Variants in TBC1D2B observed in about 807,000 individuals in gnomAD.
TBC1D2B encodes TBC1 domain family member 2B.
A neutral mutation model predicts 100.8 loss-of-function variants in TBC1D2B; 64 were observed. That is an observed-to-expected ratio of 0.64 (90% CI 0.52 to 0.78). The LOEUF (loss-of-function observed/expected upper bound fraction) is 0.78. Among genes scored for constraint, TBC1D2B ranks in the 30% least tolerant of loss-of-function variants. The probability of loss-of-function intolerance (pLI) is 0.00; values close to 1 mark genes in which losing one functional copy is unlikely to be tolerated. For missense variants in TBC1D2B, 1,052 were observed against 1,218.4 expected (o/e 0.86, Z 2.03); for synonymous variants, 480 against 479.7 (o/e 1.00, Z -0.01).
intron 3 of TBC1D2B, among the ~76,000 whole-genome samples, chr15:78,035,319 C>T (rs949382546): frequency 5.3e-5 from 8 of 152,206 alleles, no homozygotes; most frequent in East Asian, 1.9e-4. Flanking sequence ...GTTCGACATT[C>T]GTTTGGATTC....
intron 8 of TBC1D2B, among the ~76,000 whole-genome samples, chr15:78,014,967 C>T (rs563534006): frequency 6.6e-6 from 1 of 152,192 alleles, no homozygotes; most frequent in African/African-American, 2.4e-5. Context: ...TTTGGGAGGC[C>T]GAGGCAGGCA....
intron 1 of TBC1D2B, among the ~76,000 whole-genome samples, chr15:78,075,131 C>T (rs2073807959): frequency 6.6e-6 from 1 of 152,004 alleles, no homozygotes; most frequent in Admixed American, 6.5e-5. Flanking sequence ...TCAAGTCCAT[C>T]GAAGTTTAAA....
At chr15:78,000,441 T>A (rs2071882398) in intron 12 of TBC1D2B, among the ~76,000 whole-genome samples, 1 of 152,232 alleles carries the variant, frequency 6.6e-6, no homozygotes, top group Admixed American at 6.5e-5. Context: ...TCGGCAATCC[T>A]GACCCAACAC....
chr15:78,043,088 T>C (rs1483987059), intron 3 of TBC1D2B, among the ~76,000 whole-genome samples: 1 of 152,216 alleles, frequency 6.6e-6, no homozygotes, highest in Non-Finnish European at 1.5e-5. Flanking sequence ...ATATCCTATA[T>C]ATCCCACTCA....
rs763515275 is a variant in TBC1D2B at position 78,044,967 on chromosome 15, G to A, written c.616C>T (p.Gln206Ter). 1 of 1,613,836 alleles carries A rather than the reference G, an allele frequency of 6.2e-7. No homozygotes were observed. The highest frequency in any genetic ancestry group is 8.5e-7 in the Non-Finnish European group (1 of 1,179,794). ...GELVGEQAAN[Q>*]PAPGHPNSIN... ...GAATTTGGATGCCCTGGGGCGGGCT[G>A]ATTTGCAGCTTGTTCTCCCACCAGC... The change falls in exon 3 of 13, where the codon CAG (glutamine) becomes TAG (stop). Residue 206 changes from glutamine (Q) to a stop codon, truncating the protein, a stop_gained. Transcript: ENST00000300584. LOFTEE classifies it high-confidence loss of function.
chr15:78,022,308 G>A (rs1400323599), intron 6 of TBC1D2B, among the ~76,000 whole-genome samples: 1 of 152,154 alleles, frequency 6.6e-6, no homozygotes, highest in Non-Finnish European at 1.5e-5. Context: ...GCAGTGAGCT[G>A]AGATTGCACT....
chr15:78,019,131 CA>C (rs1489132996), intron 6 of TBC1D2B, among the ~76,000 whole-genome samples: 1 of 152,056 alleles, frequency 6.6e-6, no homozygotes, highest in African/African-American at 2.4e-5. Flanking sequence ...TCCCCATCGC[CA>C]AACAAGAAAC....
At chr15:78,001,945 G>A (rs751880365) in intron 11 of TBC1D2B, 9 of 455,864 alleles carry the variant, frequency 2.0e-5, no homozygotes, top group Admixed American at 4.1e-5. Flanking sequence ...AACCCTGCTG[G>A]TTTTCAACAA....
intron 1 of TBC1D2B, among the ~76,000 whole-genome samples, chr15:78,062,393 G>C (rs59688789): frequency 0.036 from 5,528 of 152,152 alleles, 147 homozygotes; most frequent in African/African-American, 0.063. Flanking sequence ...AGCTTTGCAG[G>C]GCTCTTCACT....
At position 78,010,870 on chromosome 15, in the gene TBC1D2B, G is replaced by A. The variant is rs998543269; in HGVS notation, c.2271-1756C>T. Among the ~76,000 whole-genome samples, 24 of 152,116 alleles carry A rather than the reference G, an allele frequency of 1.6e-4. 1 individual carries two copies. Among genetic ancestry groups the A allele is most frequent in the Admixed American group, 1.2e-3 (19 of 15,270 alleles). ...CAGAGGTTTTAACGGTGGTGAGGGC[G>A]GAAGTGTAGACAGAAAGCTTCAATT... On this transcript the variant is annotated intron_variant, in intron 9 of 12. Transcript: ENST00000300584.
intron 1 of TBC1D2B, among the ~76,000 whole-genome samples, chr15:78,058,683 C>A (rs761271376): frequency 6.6e-6 from 1 of 152,192 alleles, no homozygotes; most frequent in Non-Finnish European, 1.5e-5. Context: ...AAGACACGCC[C>A]GCCGGAGGAG....
Position 78,054,022 on chromosome 15 carries a change from T to C in TBC1D2B, c.514+12A>G, listed in dbSNP as rs2073368466. ...AAAGAACTGACCCAGCTCCCCTTTA[T>C]TTCTGCCTTACCAGTGTTATCTCTG... On this transcript the variant is annotated intron_variant, in intron 2 of 12. Transcript: ENST00000300584. 3.1e-6 allele frequency: 5 copies of C among 1,608,330 alleles called. No homozygotes were observed. Among genetic ancestry groups the C allele is most frequent in the East Asian group, 2.2e-5 (1 of 44,794 alleles).
At position 78,016,669 on chromosome 15, in the gene TBC1D2B, G is replaced by A; in HGVS notation, c.1652C>T (p.Thr551Ile). 6.2e-7 allele frequency: 1 copy of A among 1,607,518 alleles called. No individual in the cohort carries two copies. Among genetic ancestry groups the A allele is most frequent in the South Asian group, 1.1e-5 (1 of 90,190 alleles). Residue 551 changes from threonine to isoleucine, a missense_variant, in exon 8 of 13, where the codon ACA becomes ATA. By Grantham distance (89) the Thr-to-Ile change is moderately conservative. This residue lies in a region of TBC1D2B where 373 missense variants were observed against 464.9 expected (regional missense o/e 0.80). Transcript: ENST00000300584. ...KYLILLQEMK[T>I]PVCSEDQGPT... ...CCCCTGGTCTTCTGAGCACACTGGT[G>A]TCTTCATTTCTTGGAGCAATATCAG...
At position 78,016,647 on chromosome 15, in the gene TBC1D2B, C is replaced by G; in HGVS notation, c.1674G>C (p.Gln558His). 1 of 1,612,620 alleles carries G rather than the reference C, an allele frequency of 6.2e-7. No homozygotes were observed. Among genetic ancestry groups the G allele is most frequent in the Non-Finnish European group, 8.5e-7 (1 of 1,179,280 alleles). ...GGGCTATGACCTCCCGGGTGGGCCC[C>G]TGGTCTTCTGAGCACACTGGTGTCT... Reference protein sequence around the residue: ...EMKTPVCSEDQGPTREVIAQL... With the variant: ...EMKTPVCSEDHGPTREVIAQL... The change falls in exon 8 of 13, where the codon CAG becomes CAC. Residue 558 changes from glutamine (Q) to histidine (H), a missense_variant. By Grantham distance (24) the Gln-to-His change is conservative. This residue lies in a region of TBC1D2B where 373 missense variants were observed against 464.9 expected (regional missense o/e 0.80). Transcript: ENST00000300584.
chr15:78,009,632 A>C (rs1164563992), intron 9 of TBC1D2B, among the ~76,000 whole-genome samples: 1 of 152,176 alleles, frequency 6.6e-6, no homozygotes, highest in African/African-American at 2.4e-5. Context: ...TCAAAGATGA[A>C]ATTGTTTCCC....
At chr15:78,046,469 C>T (rs1242956705) in intron 2 of TBC1D2B, among the ~76,000 whole-genome samples, 2 of 152,142 alleles carry the variant, frequency 1.3e-5, no homozygotes, top group Admixed American at 6.5e-5. Context: ...GAATTGACTG[C>T]TGACCACTGA....
intron 3 of TBC1D2B, among the ~76,000 whole-genome samples, chr15:78,036,386 A>G (rs1453072688): frequency 6.6e-6 from 1 of 152,228 alleles, no homozygotes; most frequent in African/African-American, 2.4e-5. Context: ...ACTCATGTTG[A>G]AATGTAATAA....
intron 1 of TBC1D2B, among the ~76,000 whole-genome samples, chr15:78,063,295 C>G (rs1185241298): frequency 6.6e-6 from 1 of 152,064 alleles, no homozygotes; most frequent in African/African-American, 2.4e-5. Context: ...TCATGTTTAC[C>G]CAAAATCTCA....
intron 8 of TBC1D2B, among the ~76,000 whole-genome samples, chr15:78,014,272 C>G (rs1191463567): frequency 6.6e-6 from 1 of 152,194 alleles, no homozygotes; most frequent in Non-Finnish European, 1.5e-5. Flanking sequence ...TTGTTTTAAG[C>G]CACTATGTTT....
Sources: gnomAD v4.1 joint callset for allele counts (sites outside exome capture counted in the v4.1 genomes callset) on GRCh38, gnomAD v4.1.1 for gene constraint, gnomAD v4.1.1 regional missense constraint, MANE v1.5 for transcripts, NCBI Gene and HGNC (gene_info 2026-07-23, HGNC 2026-07-21) for gene names.